Variants in LGSN observed in about 807,000 individuals in gnomAD.
LGSN encodes the protein lengsin.
Under a neutral mutation model 19.5 loss-of-function variants are expected in LGSN, and 21 were observed. The ratio of observed to expected loss-of-function variants is 1.07; its 90% CI spans 0.76 to 1.55. LGSN has a LOEUF of 1.55. LGSN is among the 40% of genes most tolerant of loss of function. LGSN has a pLI of 0.00. For synonymous variants in LGSN, 257 were observed against 215.6 expected, an observed-to-expected ratio of 1.19 and a Z score of -1.68; for missense variants, 673 against 608.5, an observed-to-expected ratio of 1.11 and a Z score of -1.12.
the LGSN span, among the ~76,000 whole-genome samples, chr6:63,332,052 G>A: frequency 1.3e-5 from 2 of 152,132 alleles, no homozygotes; most frequent in African/African-American, 2.4e-5. Context: ...GAATAGGAAG[G>A]ATACAATTTC....
chr6:63,335,786 A>C, the LGSN span, among the ~76,000 whole-genome samples: 1 of 152,236 alleles, frequency 6.6e-6, no homozygotes, highest in African/African-American at 2.4e-5. Flanking sequence ...AAAAAATAGA[A>C]CTACCGTACA....
chr6:63,343,043 T>A, the LGSN span, among the ~76,000 whole-genome samples: 1 of 152,254 alleles, frequency 6.6e-6, no homozygotes, highest in Non-Finnish European at 1.5e-5. Flanking sequence ...TTGGTTTTAA[T>A]GACATTATAA....
the LGSN span, among the ~76,000 whole-genome samples, chr6:63,532,126 T>G: frequency 6.6e-6 from 1 of 152,152 alleles, no homozygotes; most frequent in African/African-American, 2.4e-5. Context: ...TTGCCTCTTC[T>G]TATGACAACT....
the LGSN span, among the ~76,000 whole-genome samples, chr6:63,570,709 T>C: frequency 6.6e-6 from 1 of 152,260 alleles, no homozygotes; most frequent in African/African-American, 2.4e-5. Flanking sequence ...CAATTATCTG[T>C]GTTTACCAAC....
chr6:63,539,150 T>C, the LGSN span, among the ~76,000 whole-genome samples: 3 of 152,184 alleles, frequency 2.0e-5, no homozygotes, highest in Non-Finnish European at 4.4e-5. Context: ...CACCTTGGCT[T>C]CCCAAAGTAC....
chr6:63,542,334 C>G, the LGSN span, among the ~76,000 whole-genome samples: 1 of 151,532 alleles, frequency 6.6e-6, no homozygotes. Flanking sequence ...GTATACTGCT[C>G]GGGTGATGGG....
chr6:63,312,636 C>T (rs912260766), intron 1 of LGSN, among the ~76,000 whole-genome samples: 1 of 151,976 alleles, frequency 6.6e-6, no homozygotes, highest in Non-Finnish European at 1.5e-5. Context: ...TTTAAGTGTC[C>T]CTTGTAGAAT....
At chr6:63,297,443 C>G (rs1768020123) in intron 1 of LGSN, among the ~76,000 whole-genome samples, 1 of 150,792 alleles carries the variant, frequency 6.6e-6, no homozygotes, top group Non-Finnish European at 1.5e-5. Context: ...GTAGGGGTTT[C>G]AAATGAAGAA....
At chr6:63,359,046 C>T in the LGSN span, among the ~76,000 whole-genome samples, 1 of 152,120 alleles carries the variant, frequency 6.6e-6, no homozygotes, top group Non-Finnish European at 1.5e-5. Flanking sequence ...GCATGAAGCG[C>T]TGTTGAATTT....
chr6:63,318,017 C>T (rs1439956322), intron 1 of LGSN, among the ~76,000 whole-genome samples: 2 of 151,898 alleles, frequency 1.3e-5, no homozygotes, highest in Non-Finnish European at 2.9e-5. Flanking sequence ...TTCATACACC[C>T]ATAGGATCTA....
chr6:63,362,131 C>T, the LGSN span, among the ~76,000 whole-genome samples: 3 of 152,172 alleles, frequency 2.0e-5, no homozygotes, highest in Non-Finnish European at 2.9e-5. Flanking sequence ...GGAACATTCC[C>T]TGAAGGACCT....
intron 1 of LGSN, among the ~76,000 whole-genome samples, chr6:63,318,487 T>C (rs7776434): frequency 0.036 from 5,482 of 152,218 alleles, 335 homozygotes; most frequent in African/African-American, 0.13. Flanking sequence ...AAAGAGCTTA[T>C]TCAGTGGAGT....
the LGSN span, among the ~76,000 whole-genome samples, chr6:63,335,738 T>A: frequency 6.6e-6 from 1 of 152,028 alleles, no homozygotes; most frequent in African/African-American, 2.4e-5. Context: ...ATATAGCCAC[T>A]ATGGAGAACA....
chr6:63,367,101 A>T, the LGSN span, among the ~76,000 whole-genome samples: 204 of 152,330 alleles, frequency 1.3e-3, no homozygotes, highest in African/African-American at 4.5e-3. Context: ...GGATCTAATT[A>T]AACTAAAGAG....
At position 63,280,278 on chromosome 6, in the gene LGSN, C is replaced by A; in HGVS notation, c.1273G>T (p.Ala425Ser). ...NPYLVLAATV[A>S]AGLDGLHSSN... ...CTATGAAGTCCATCTAAGCCGGCAG[C>A]AACAGTTGCAGCCAGCACCAAGTAA... The change falls in exon 4 of 4, where the codon GCT becomes TCT. Residue 425 changes from alanine to serine, a missense_variant. Physicochemically the swap from Ala to Ser is moderately conservative, Grantham distance 99. Coordinates refer to ENST00000370657, the MANE Select transcript of LGSN (RefSeq NM_016571.3). 6.2e-7 allele frequency: 1 copy of A among 1,614,212 alleles called. No homozygotes were observed. The highest frequency in any genetic ancestry group is 8.5e-7 in the Non-Finnish European group (1 of 1,180,040).
At chr6:63,463,161 T>C in the LGSN span, among the ~76,000 whole-genome samples, 1 of 152,206 alleles carries the variant, frequency 6.6e-6, no homozygotes, top group African/African-American at 2.4e-5. Context: ...GTATCTCTGT[T>C]TTCCCATCTT....
At chr6:63,422,399 A>C in the LGSN span, among the ~76,000 whole-genome samples, 1 of 152,154 alleles carries the variant, frequency 6.6e-6, no homozygotes, top group Non-Finnish European at 1.5e-5. Context: ...GAGATGTAAC[A>C]AAATATACCA....
the LGSN span, among the ~76,000 whole-genome samples, chr6:63,431,324 G>A: frequency 6.6e-6 from 1 of 152,212 alleles, no homozygotes; most frequent in Non-Finnish European, 1.5e-5. Context: ...AGTACACAAA[G>A]CCAAAACCTG....
At chr6:63,423,250 G>A in the LGSN span, among the ~76,000 whole-genome samples, 1 of 152,228 alleles carries the variant, frequency 6.6e-6, no homozygotes, top group East Asian at 1.9e-4. Context: ...GTAGGCTGAG[G>A]TGAGGGGATT....
Sources: allele counts gnomAD v4.1 joint callset (sites outside exome capture counted in the v4.1 genomes callset), GRCh38; gene constraint gnomAD v4.1.1; transcripts MANE v1.5; gene names NCBI Gene and HGNC (gene_info 2026-07-23, HGNC 2026-07-21).